The following RBM25 variants were observed in gnomAD, a reference collection of about 807,000 sequenced individuals.
RBM25 encodes the protein RNA-binding protein 25.
In RBM25, 19 loss-of-function variants were observed where a neutral mutation model predicts 120.7. The ratio of observed to expected loss-of-function variants is 0.16; its 90% CI spans 0.11 to 0.23. The LOEUF (loss-of-function observed/expected upper bound fraction) is 0.23, where lower values mean the gene tolerates loss of function less well. RBM25 is among the 10% of genes least tolerant of loss of function. The pLI is 1.00. For missense variants in RBM25, 605 were observed against 1,041.5 expected (o/e 0.58, Z 5.77); for synonymous variants, 390 against 326.7 (o/e 1.19, Z -2.09).
intron 4 of RBM25, among the ~76,000 whole-genome samples, chr14:73,080,247 G>A (rs1895528509): frequency 3.2e-5 from 2 of 61,876 alleles, no homozygotes; most frequent in South Asian, 9.3e-4. Flanking sequence ...TTTTTGAGAT[G>A]GAGTCTTGCT....
At chr14:73,070,015 A>G (rs1895243862) in intron 1 of RBM25, 1 of 151,870 alleles carries the variant, frequency 6.6e-6, no homozygotes, top group African/African-American at 2.4e-5. Flanking sequence ...TACTTAATAA[A>G]ATGACAAAGT....
chr14:73,073,404 C>T (rs150208598), intron 2 of RBM25, among the ~76,000 whole-genome samples: 1 of 152,090 alleles, frequency 6.6e-6, no homozygotes, highest in Admixed American at 6.6e-5. Flanking sequence ...TTAAAAAAAT[C>T]AGGCCGGGCA....
chr14:73,085,351 CT>C (rs1225076349), intron 5 of RBM25, among the ~76,000 whole-genome samples: 2 of 145,242 alleles, frequency 1.4e-5, no homozygotes, highest in Middle Eastern at 4.0e-3. Flanking sequence ...TTCTGTCATT[CT>C]TTTATTGAGG....
At chr14:73,071,240 CAAAAA>C (rs11325196) in intron 1 of RBM25, among the ~76,000 whole-genome samples, 1 of 108,856 alleles carries the variant, frequency 9.2e-6, no homozygotes. Flanking sequence ...GACTCTGTCT[CAAAAA>C]AAAAAAAAAA....
intron 1 of RBM25, among the ~76,000 whole-genome samples, chr14:73,066,794 A>G (rs948366171): frequency 3.3e-5 from 5 of 152,178 alleles, no homozygotes; most frequent in East Asian, 1.9e-4. Context: ...ATTCTGAGGA[A>G]GTAGAGCTGT....
intron 9 of RBM25, 140 bp from the exon 10 acceptor site, chr14:73,103,052 G>T: frequency 6.7e-7 from 1 of 1,490,730 alleles, no homozygotes; most frequent in Non-Finnish European, 9.0e-7. Flanking sequence ...AGTTTAATTT[G>T]TCACATAAAA....
chr14:73,103,241 A>T lies in RBM25; in HGVS notation c.917A>T (p.Glu306Val), dbSNP rs756337583. 1 of 1,606,888 alleles carries T rather than the reference A, an allele frequency of 6.2e-7. No homozygotes were observed. The highest frequency in any genetic ancestry group is 1.7e-5 in the Admixed American group (1 of 58,340). ...GKKEKERQEI[E>V]KERRERERER... ...AAGGAAAAAGAAAGACAGGAAATTG[A>T]GAAAGAACGGAGAGAAAGAGAGAGG... The change falls in exon 10 of 19, where the codon GAG becomes GTG. Residue 306 changes from glutamate to valine, a missense_variant. Physicochemically the swap from Glu to Val is moderately radical, Grantham distance 121 (BLOSUM62 -2). Transcript: ENST00000261973.
chr14:73,069,223 C>A (rs573075302), intron 1 of RBM25, among the ~76,000 whole-genome samples: 2 of 152,228 alleles, frequency 1.3e-5, no homozygotes, highest in African/African-American at 4.8e-5. Context: ...CTTTTGTGAA[C>A]TGACATGAAG....
At chr14:73,075,834 C>T (rs1414338760) in intron 2 of RBM25, among the ~76,000 whole-genome samples, 1 of 149,512 alleles carries the variant, frequency 6.7e-6, no homozygotes, top group Non-Finnish European at 1.5e-5. Flanking sequence ...TTGTGGAGAA[C>T]GGGGTCTCAC....
At chr14:73,078,545 A>G (rs1176917605) in intron 4 of RBM25, among the ~76,000 whole-genome samples, 1 of 152,172 alleles carries the variant, frequency 6.6e-6, no homozygotes, top group Admixed American at 6.6e-5. Context: ...GTTCATATTT[A>G]ATTTTCCCAG....
At chr14:73,118,111 A>G (rs555969066) in intron 18 of RBM25, among the ~76,000 whole-genome samples, 7 of 152,210 alleles carry the variant, frequency 4.6e-5, no homozygotes, top group Non-Finnish European at 8.8e-5. Flanking sequence ...TATTCTGGAC[A>G]CTGTACTAAA....
At chr14:73,116,489 A>G (rs1896430433) in intron 18 of RBM25, among the ~76,000 whole-genome samples, 1 of 152,182 alleles carries the variant, frequency 6.6e-6, no homozygotes, top group Non-Finnish European at 1.5e-5. Context: ...TCTGCTGCCT[A>G]GCTAGCTTGA....
chr14:73,106,396 G>A (rs1896188938), intron 12 of RBM25, 111 bp downstream of exon 12: 1 of 845,114 alleles, frequency 1.2e-6, no homozygotes, highest in South Asian at 3.5e-5. Context: ...CTCTATTCAT[G>A]TATAATTTAA....
intron 1 of RBM25, among the ~76,000 whole-genome samples, chr14:73,064,682 C>G (rs950821177): frequency 2.0e-5 from 3 of 151,130 alleles, no homozygotes; most frequent in African/African-American, 7.3e-5. Context: ...TGTGAGCCAC[C>G]GCGCCCAGGA....
rs1385318628 is a variant in RBM25 at position 73,099,678 on chromosome 14, T to A, written c.795T>A (p.Asn265Lys). ...CCGTTTTCTTTTAGGAGGATATAAATGCTATAGAAATGGAAGAAGACAAAA... is the reference window on the plus strand; with the variant it reads ...CCGTTTTCTTTTAGGAGGATATAAAAGCTATAGAAATGGAAGAAGACAAAA... The part of the protein sequence containing the change: ...PYPLITKEDI[N>K]AIEMEEDKRD... Residue 265 changes from asparagine (N) to lysine (K), a missense_variant, in exon 9 of 19, where the codon AAT becomes AAA. Physicochemically the swap from Asn to Lys is moderately conservative, Grantham distance 94. Coordinates refer to ENST00000261973, the MANE Select transcript of RBM25 (RefSeq NM_021239.3). The A allele has an allele frequency of 6.2e-7, 1 of 1,601,214 alleles. No individual in the cohort carries two copies.
At chr14:73,076,240 G>C in intron 2 of RBM25, 79 bp from the exon 3 acceptor site, 1 of 1,133,478 alleles carries the variant, frequency 8.8e-7, no homozygotes, top group Non-Finnish European at 1.3e-6. Flanking sequence ...TTAATTATGA[G>C]TAAGGATACT....
rs544519830 is a variant in RBM25, at chr14:73,110,315, G to A, written c.1693-516G>A. 2.6e-5 allele frequency among the ~76,000 whole-genome samples: 4 copies of A among 152,046 alleles called. No homozygotes were observed. The East Asian group carries it at 7.7e-4, about 29-fold the overall frequency. ...CAGGCCTCTACCTCGTGAGTATCTGGGACACTTACAGGCATGAGCAGAATG... is the reference window on the plus strand; with the variant it reads ...CAGGCCTCTACCTCGTGAGTATCTGAGACACTTACAGGCATGAGCAGAATG... On this transcript the variant is annotated intron_variant, in intron 14 of 18. Transcript: ENST00000261973.
In RBM25 at chr14:73,120,045, G is replaced by A. The variant is rs905626552; in HGVS notation, c.*240G>A. On this transcript the variant is annotated 3_prime_UTR_variant, in exon 19 of 19. Coordinates refer to ENST00000261973, the MANE Select transcript of RBM25 (RefSeq NM_021239.3). ...TACAAATTACTGGTATGTTTTATAAGCCGCAGCTACTGTACACAGCCTATC... is the reference window on the plus strand; with the variant it reads ...TACAAATTACTGGTATGTTTTATAAACCGCAGCTACTGTACACAGCCTATC... The A allele has an allele frequency of 6.9e-6, 3 of 435,144 alleles. 1 individual carries two copies. The highest frequency in any genetic ancestry group is 9.1e-5 in the Admixed American group (2 of 21,898). 27.0% of individuals were successfully genotyped at this position (435,144 alleles called of 1,614,324 possible).
chr14:73,123,598 T>C lies in RBM25; in HGVS notation c.*3793T>C, dbSNP rs1243319459. The C allele has an allele frequency of 2.0e-5, 3 of 152,196 alleles. No individual in the cohort carries two copies. The highest frequency in any genetic ancestry group is 2.9e-5 in the Non-Finnish European group (2 of 68,038). 9.4% of individuals were successfully genotyped at this position (152,196 alleles called of 1,614,324 possible). ...AGCTGTCAAGAAGAAAACAGGGAGA[T>C]ACATACCAAACCCAGGAGCTACTAA... On this transcript the variant is annotated 3_prime_UTR_variant, in exon 19 of 19. Coordinates refer to ENST00000261973, the MANE Select transcript of RBM25 (RefSeq NM_021239.3).
Sources: gnomAD v4.1 joint callset for allele counts (sites outside exome capture counted in the v4.1 genomes callset) on GRCh38, gnomAD v4.1.1 for gene constraint, MANE v1.5 for transcripts, NCBI Gene and HGNC (gene_info 2026-07-23, HGNC 2026-07-21) for gene names.